The following RAB3A variants were observed in gnomAD, a reference collection of about 807,000 sequenced individuals.
RAB3A encodes ras-related protein Rab-3A.
RAB3A carries 5 observed loss-of-function variants against 19.7 expected under a neutral mutation model. The ratio of observed to expected loss-of-function variants is 0.25; its 90% CI spans 0.13 to 0.53. The LOEUF (loss-of-function observed/expected upper bound fraction) is 0.53, where lower values mean the gene tolerates loss of function less well. RAB3A is among the 20% of genes least tolerant of loss of function. The pLI is 0.95. For missense variants in RAB3A, 189 were observed against 305.6 expected, an observed-to-expected ratio of 0.62 and a Z score of 2.85; for synonymous variants, 119 against 122.1, an observed-to-expected ratio of 0.97 and a Z score of 0.17.
At position 18,201,249 on chromosome 19, in the gene RAB3A, CAAAAAAAAAA is replaced by C. The variant is rs111370852; in HGVS notation, c.229-814_229-805del. ...AGACTCCGTCTCAAAACAATAACAA[CAAAAAAAAAA>C]AAAAAAAGAAAGAAAGAAAGAAAGA... On this transcript the variant is annotated intron_variant, in intron 2 of 4. Transcript: ENST00000222256. Among the ~76,000 whole-genome samples the C allele has an allele frequency of 8.8e-5, 10 of 113,254 alleles. No individual in the cohort carries two copies. In the South Asian group the frequency reaches 3.1e-3, roughly 35 times the overall value. 74.3% of individuals were successfully genotyped at this position (113,254 alleles called of 152,430 possible).
rs1358316415 is a variant in RAB3A at position 18,200,461 on chromosome 19, TGAA to T, written c.229-19_229-17del. On this transcript the variant is annotated splice_polypyrimidine_tract_variant and intron_variant, in intron 2 of 4. Transcript: ENST00000222256. ...CTGCTGTGTCCTAGGGAGGAAGAGA[TGAA>T]GGTCAGAGAGGACCTGCACATAAGG... 2 of 1,598,548 alleles carry T rather than the reference TGAA, an allele frequency of 1.3e-6. No individual in the cohort carries two copies. The highest frequency in any genetic ancestry group is 2.7e-5 in the African/African-American group (2 of 74,190).
chr19:18,200,483 C>T (rs1967592895), intron 2 of RAB3A, 38 bp from the exon 3 acceptor site: 2 of 1,507,982 alleles, frequency 1.3e-6, no homozygotes, highest in South Asian at 1.2e-5. Context: ...AGGACCTGCA[C>T]ATAAGGCCCT....
chr19:18,197,179 G>A lies in RAB3A; in HGVS notation c.*291C>T. 2.7e-6 allele frequency: 1 copy of A among 374,804 alleles called. No individual in the cohort carries two copies. Among genetic ancestry groups the A allele is most frequent in the Non-Finnish European group, 4.8e-6 (1 of 209,632 alleles). The allele number at this position is 374,804 out of a possible 1,614,324, so 23.2% of individuals were successfully genotyped here. ...GGTGAATTTTAAAAAAAGGCGGGGG[G>A]GGGGGGTTCAGGAGGGTGAGCGGTG... On this transcript the variant is annotated 3_prime_UTR_variant, in exon 5 of 5. Transcript: ENST00000222256.
intron 3 of RAB3A, 76 bp from the exon 4 acceptor site, chr19:18,198,925 T>C (rs748585048): frequency 2.9e-5 from 44 of 1,533,144 alleles, no homozygotes; most frequent in Non-Finnish European, 3.9e-5. Flanking sequence ...ATGTGGAGCC[T>C]GTGTCCTTGT....
rs961892301 is a variant in RAB3A at position 18,202,620 on chromosome 19, G to A, written c.121C>T (p.Arg41Cys). The A allele has an allele frequency of 3.7e-6, 6 of 1,614,084 alleles. No individual in the cohort carries two copies. Among genetic ancestry groups the A allele is most frequent in the East Asian group, 4.5e-5 (2 of 44,888 alleles). ...GGCGTGAACGAGTCGTCAGCATAGCGGAAGAGGAAGGACGTCTTGCCCACG... is the reference window on the plus strand; with the variant it reads ...GGCGTGAACGAGTCGTCAGCATAGCAGAAGAGGAAGGACGTCTTGCCCACG... Reference protein sequence around the residue: ...SSVGKTSFLFRYADDSFTPAF... With the variant: ...SSVGKTSFLFCYADDSFTPAF... The change falls in exon 2 of 5, where the codon CGC becomes TGC. Residue 41 changes from arginine to cysteine, a missense_variant. Arg to Cys is a radical substitution (Grantham distance 180, BLOSUM62 -3). Transcript: ENST00000222256. The surrounding 1 kb of genome is among the most constrained non-coding windows in gnomAD (Gnocchi z 4.2).
intron 1 of RAB3A, among the ~76,000 whole-genome samples, chr19:18,203,031 G>A (rs1016833109): frequency 4.6e-5 from 7 of 152,186 alleles, no homozygotes; most frequent in Non-Finnish European, 8.8e-5. Context: ...CTAAACCCAG[G>A]GCTGAGCCCG....
In RAB3A at chr19:18,199,026, G is replaced by A. The variant is rs371937885; in HGVS notation, c.348-177C>T. ...CCGCTTTCACCCCACTCCAGCCCCCGACTGACCCATTATTGTTTCTGTGTT... is the reference window on the plus strand; with the variant it reads ...CCGCTTTCACCCCACTCCAGCCCCCAACTGACCCATTATTGTTTCTGTGTT... On this transcript the variant is annotated intron_variant, in intron 3 of 4. Transcript: ENST00000222256. Among the ~76,000 whole-genome samples, 29 of 150,516 alleles carry A rather than the reference G, an allele frequency of 1.9e-4. 1 individual carries two copies. The East Asian group carries it at 2.7e-3, about 14-fold the overall frequency.
Position 18,202,442 on chromosome 19 carries a change from G to T in RAB3A, c.228+71C>A. ...GACTCCAGTCAGGAAAGAGATAGAC[G>T]AGGTTGGGGCTGCTTTTCCAAGTAC... On this transcript the variant is annotated intron_variant, in intron 2 of 4. Transcript: ENST00000222256. This position sits in a 1 kb window ranked among gnomAD's most constrained non-coding sequence, Gnocchi z 4.2. 7.4e-7 allele frequency: 1 copy of T among 1,353,330 alleles called. No individual in the cohort carries two copies. Among genetic ancestry groups the T allele is most frequent in the South Asian group, 1.2e-5 (1 of 81,844 alleles). The allele number at this position is 1,353,330 out of a possible 1,614,324, so 83.8% of individuals were successfully genotyped here.
At chr19:18,199,699 T>C (rs1380188956) in intron 3 of RAB3A, among the ~76,000 whole-genome samples, 1 of 151,852 alleles carries the variant, frequency 6.6e-6, no homozygotes, top group African/African-American at 2.4e-5. Context: ...AATTTTTGCA[T>C]TCTTAGTAGA....
chr19:18,198,992 C>A, intron 3 of RAB3A, 143 bp from the exon 4 acceptor site: 1 of 1,038,928 alleles, frequency 9.6e-7, no homozygotes, highest in East Asian at 2.7e-5. Context: ...TCCTTTCCCC[C>A]AATGTGCCCC....
chr19:18,197,417 G>C lies in RAB3A; in HGVS notation c.*53C>G, dbSNP rs963834957. ...GTAGGGGCCGGGTCAGGCCCGGGTA[G>C]TTGGGGGAAGGTGGGGAAGACAGGG... On this transcript the variant is annotated 3_prime_UTR_variant, in exon 5 of 5. Coordinates refer to ENST00000222256, the MANE Select transcript of RAB3A (RefSeq NM_002866.5). 2 of 1,567,430 alleles carry C rather than the reference G, an allele frequency of 1.3e-6. No individual in the cohort carries two copies. Among genetic ancestry groups the C allele is most frequent in the Admixed American group, 1.8e-5 (1 of 54,534 alleles).
chr19:18,197,181 G>T lies in RAB3A; in HGVS notation c.*289C>A, dbSNP rs868490188. ...TGAATTTTAAAAAAAGGCGGGGGGGGGGGGTTCAGGAGGGTGAGCGGTGAG... is the reference window on the plus strand; with the variant it reads ...TGAATTTTAAAAAAAGGCGGGGGGGTGGGGTTCAGGAGGGTGAGCGGTGAG... On this transcript the variant is annotated 3_prime_UTR_variant, in exon 5 of 5. Coordinates refer to ENST00000222256, the MANE Select transcript of RAB3A (RefSeq NM_002866.5). 12 of 377,060 alleles carry T rather than the reference G, an allele frequency of 3.2e-5. No homozygotes were observed. The highest frequency in any genetic ancestry group is 2.1e-4 in the East Asian group (5 of 24,128). The allele number at this position is 377,060 out of a possible 1,614,324, so 23.4% of individuals were successfully genotyped here. A position where few individuals can be genotyped will look rare whatever the true frequency, so the allele number is the denominator to read the frequency against.
At chr19:18,203,440 T>C (rs1967642108) in intron 1 of RAB3A, among the ~76,000 whole-genome samples, 2 of 152,134 alleles carry the variant, frequency 1.3e-5, no homozygotes, top group Non-Finnish European at 2.9e-5. Context: ...CCCGTGCTTG[T>C]ATGCACGGGC....
At position 18,202,384 on chromosome 19, in the gene RAB3A, C is replaced by A; in HGVS notation, c.228+129G>T. 1 of 806,446 alleles carries A rather than the reference C, an allele frequency of 1.2e-6. No individual in the cohort carries two copies. The highest frequency in any genetic ancestry group is 2.0e-6 in the Non-Finnish European group (1 of 495,612). 50.0% of individuals were successfully genotyped at this position (806,446 alleles called of 1,614,324 possible). On this transcript the variant is annotated intron_variant, in intron 2 of 4. Transcript: ENST00000222256. This position sits in a 1 kb window ranked among gnomAD's most constrained non-coding sequence, Gnocchi z 4.2. Reference sequence around the variant, plus strand: ...TTTCTGCCCCGGTACACAGTGGGCACCTTACTGATAAATGCCCAGTGTGTA... The same window carrying A: ...TTTCTGCCCCGGTACACAGTGGGCAACTTACTGATAAATGCCCAGTGTGTA...
At position 18,202,406 on chromosome 19, in the gene RAB3A, T is replaced by A; in HGVS notation, c.228+107A>T. ...GCACCTTACTGATAAATGCCCAGTGTGTAAGTGAATGACTCCAGTCAGGAA... is the reference window on the plus strand; with the variant it reads ...GCACCTTACTGATAAATGCCCAGTGAGTAAGTGAATGACTCCAGTCAGGAA... On this transcript the variant is annotated intron_variant, in intron 2 of 4. Coordinates refer to ENST00000222256, the MANE Select transcript of RAB3A (RefSeq NM_002866.5). This position sits in a 1 kb window ranked among gnomAD's most constrained non-coding sequence, Gnocchi z 4.2. 2.0e-6 allele frequency: 2 copies of A among 1,008,680 alleles called. No individual in the cohort carries two copies. The highest frequency in any genetic ancestry group is 2.9e-5 in the South Asian group (2 of 69,318). The allele number at this position is 1,008,680 out of a possible 1,614,324, so 62.5% of individuals were successfully genotyped here.
chr19:18,199,173 T>C (rs927712714), intron 3 of RAB3A, among the ~76,000 whole-genome samples: 1 of 152,138 alleles, frequency 6.6e-6, no homozygotes, highest in Admixed American at 6.6e-5. Flanking sequence ...TTTTCTTTTT[T>C]TGAGATAGAG....
rs998126058 is a variant in RAB3A at position 18,202,227 on chromosome 19, C to T, written c.228+286G>A. 1 of 376,716 alleles carries T rather than the reference C, an allele frequency of 2.7e-6. No homozygotes were observed. Among genetic ancestry groups the T allele is most frequent in the African/African-American group, 2.1e-5 (1 of 48,102 alleles). The allele number at this position is 376,716 out of a possible 1,614,324, so 23.3% of individuals were successfully genotyped here. ...CAGCCTAGGGGACAGAGCAAGACCA[C>T]CCTGTCTCAAAAAACAAACAAAAAA... On this transcript the variant is annotated intron_variant, in intron 2 of 4. Transcript: ENST00000222256. This position sits in a 1 kb window ranked among gnomAD's most constrained non-coding sequence, Gnocchi z 4.2.
Position 18,200,112 on chromosome 19 carries a change from C to T in RAB3A, c.347+215G>A, listed in dbSNP as rs75841927. Among the ~76,000 whole-genome samples, 747 of 152,010 alleles carry T rather than the reference C, an allele frequency of 4.9e-3. 4 individuals carry two copies. Among genetic ancestry groups the T allele is most frequent in the African/African-American group, 0.017 (694 of 41,476 alleles). On this transcript the variant is annotated intron_variant, in intron 3 of 4. Coordinates refer to ENST00000222256, the MANE Select transcript of RAB3A (RefSeq NM_002866.5). ...CCTGGGCAACATGAGGAAACCCCAT[C>T]TCAACTAAAAATACAAAAAAATTAG...
chr19:18,203,044 G>C (rs1967636622), intron 1 of RAB3A, among the ~76,000 whole-genome samples: 1 of 152,200 alleles, frequency 6.6e-6, no homozygotes, highest in South Asian at 2.1e-4. Context: ...TGAGCCCGGA[G>C]GGGGTGACTG....
Sources: gnomAD v4.1 joint callset for allele counts (sites outside exome capture counted in the v4.1 genomes callset) on GRCh38, gnomAD v4.1.1 for gene constraint, Gnocchi (gnomAD v3.1) non-coding constraint, MANE v1.5 for transcripts, NCBI Gene and HGNC (gene_info 2026-07-23, HGNC 2026-07-21) for gene names.